The following MAGI2 variants were observed in gnomAD, a reference collection of about 807,000 sequenced individuals.
The protein encoded by MAGI2 is membrane-associated guanylate kinase, WW and PDZ domain-containing protein 2.
MAGI2 carries 35 observed loss-of-function variants against 133.3 expected under a neutral mutation model. The observed-to-expected ratio is 0.26, with a 90% CI of 0.20 to 0.35. MAGI2 has a LOEUF of 0.35. MAGI2 is among the 10% of genes least tolerant of loss of function. MAGI2 has a pLI of 1.00. For synonymous variants in MAGI2, 729 were observed against 710.6 expected (o/e 1.03, Z -0.41); for missense variants, 1,636 against 1,863.4 (o/e 0.88, Z 2.25).
At chr7:79,445,691 A>C (rs1848802916) in intron 1 of MAGI2, among the ~76,000 whole-genome samples, 1 of 152,202 alleles carries the variant, frequency 6.6e-6, no homozygotes, top group Admixed American at 6.5e-5. Flanking sequence ...GATGTGGAGA[A>C]ACAGGAACAC....
At chr7:78,429,546 T>A (rs1383911906) in intron 6 of MAGI2, among the ~76,000 whole-genome samples, 1 of 152,144 alleles carries the variant, frequency 6.6e-6, no homozygotes, top group Non-Finnish European at 1.5e-5. Flanking sequence ...CTTGGCCTCA[T>A]TCACACCACA....
intron 1 of MAGI2, among the ~76,000 whole-genome samples, chr7:79,326,447 G>A (rs1445868448): frequency 1.3e-5 from 2 of 152,022 alleles, no homozygotes; most frequent in Admixed American, 6.6e-5. Context: ...AACTGTGTAA[G>A]AAAAAATAAG....
intron 10 of MAGI2, among the ~76,000 whole-genome samples, chr7:78,233,435 TG>T (rs1790187425): frequency 6.6e-6 from 1 of 152,070 alleles, no homozygotes. Context: ...AATAGTGGGA[TG>T]GGGACTGAAA....
intron 20 of MAGI2, among the ~76,000 whole-genome samples, chr7:78,116,829 G>A (rs1289457731): frequency 6.6e-6 from 1 of 151,948 alleles, no homozygotes; most frequent in Admixed American, 6.6e-5. Context: ...AGTGAGCCAT[G>A]TTTGTACCAC....
chr7:79,330,141 T>C (rs1839958085), intron 1 of MAGI2, among the ~76,000 whole-genome samples: 1 of 144,772 alleles, frequency 6.9e-6, no homozygotes, highest in Admixed American at 6.8e-5. Flanking sequence ...CAAATACCTC[T>C]TGCCTCACTA....
chr7:78,242,601 GA>G (rs1791275411), intron 10 of MAGI2, among the ~76,000 whole-genome samples: 1 of 152,140 alleles, frequency 6.6e-6, no homozygotes, highest in African/African-American at 2.4e-5. Context: ...TATCCACTTT[GA>G]TTTTCTCCTA....
At chr7:78,209,624 G>T (rs1291592287) in intron 10 of MAGI2, among the ~76,000 whole-genome samples, 1 of 151,886 alleles carries the variant, frequency 6.6e-6, no homozygotes, top group Non-Finnish European at 1.5e-5. Flanking sequence ...CGTCTTTTCT[G>T]TCTCCGAAAT....
At chr7:78,191,481 T>C (rs536627608) in intron 12 of MAGI2, among the ~76,000 whole-genome samples, 44 of 152,362 alleles carry the variant, frequency 2.9e-4, no homozygotes, top group African/African-American at 1.0e-3. Flanking sequence ...CTCAACTTCA[T>C]TGTAAGCTTC....
intron 3 of MAGI2, among the ~76,000 whole-genome samples, chr7:78,621,516 G>A (rs1807734381): frequency 6.6e-6 from 1 of 152,000 alleles, no homozygotes. Flanking sequence ...TACTATCATG[G>A]CCAAGTCCCC....
chr7:79,299,216 T>C (rs1837186396), intron 1 of MAGI2, among the ~76,000 whole-genome samples: 1 of 151,980 alleles, frequency 6.6e-6, no homozygotes. Context: ...ATAAGAATAT[T>C]TGATGTGGGT....
At chr7:79,333,835 A>C (rs1001265749) in intron 1 of MAGI2, among the ~76,000 whole-genome samples, 2 of 152,232 alleles carry the variant, frequency 1.3e-5, no homozygotes, top group African/African-American at 4.8e-5. Flanking sequence ...CTCAAGTGGA[A>C]GAAAAGTATT....
chr7:79,425,208 C>T (rs1439072785), intron 1 of MAGI2, among the ~76,000 whole-genome samples: 1 of 150,448 alleles, frequency 6.6e-6, no homozygotes, highest in Admixed American at 6.6e-5. Flanking sequence ...GCCGAGATTG[C>T]ACCAATGCAC....
intron 2 of MAGI2, among the ~76,000 whole-genome samples, chr7:78,671,979 GT>G (rs1403709964): frequency 2.0e-5 from 3 of 152,150 alleles, no homozygotes; most frequent in African/African-American, 7.2e-5. Flanking sequence ...AATTCTAATT[GT>G]TTTTAAGTGC....
chr7:79,152,629 C>T (rs28562601), intron 1 of MAGI2, among the ~76,000 whole-genome samples: 1 of 152,192 alleles, frequency 6.6e-6, no homozygotes, highest in Admixed American at 6.5e-5. Flanking sequence ...GCGGGAAGTG[C>T]TTTTAAAATA....
chr7:79,136,008 A>AGAAAGAAAGAAAGAAAGAAAGAAG (rs1821423234), intron 1 of MAGI2, among the ~76,000 whole-genome samples: 1 of 121,318 alleles, frequency 8.2e-6, no homozygotes, highest in Non-Finnish European at 1.7e-5. Flanking sequence ...AGAAAGAGAA[A>AGAAAGAAAGAAAGAAAGAAAGAAG]GAAAGAAAGA....
At chr7:78,857,545 T>A (rs1793763564) in intron 2 of MAGI2, among the ~76,000 whole-genome samples, 1 of 152,228 alleles carries the variant, frequency 6.6e-6, no homozygotes, top group South Asian at 2.1e-4. Context: ...GTTTATATGA[T>A]GCATTACGTT....
At chr7:78,986,923 C>T (rs1287633302) in intron 2 of MAGI2, among the ~76,000 whole-genome samples, 3 of 151,910 alleles carry the variant, frequency 2.0e-5, no homozygotes, top group Admixed American at 1.3e-4. Flanking sequence ...AACATACTCA[C>T]CTGTGAGTAG....
At chr7:78,452,930 T>C (rs73148383) in intron 6 of MAGI2, among the ~76,000 whole-genome samples, 1 of 152,046 alleles carries the variant, frequency 6.6e-6, no homozygotes, top group African/African-American at 2.4e-5. Flanking sequence ...ATTAGCTGAT[T>C]GGGTTTCTCC....
At chr7:78,112,060 T>A (rs1446263272) in intron 20 of MAGI2, among the ~76,000 whole-genome samples, 3 of 152,212 alleles carry the variant, frequency 2.0e-5, no homozygotes, top group Non-Finnish European at 4.4e-5. Flanking sequence ...TTTCATCAAC[T>A]TCCTTAGGTC....
Sources: gnomAD v4.1 joint callset for allele counts (sites outside exome capture counted in the v4.1 genomes callset) on GRCh38, gnomAD v4.1.1 for gene constraint, MANE v1.5 for transcripts, NCBI Gene and HGNC (gene_info 2026-07-23, HGNC 2026-07-21) for gene names.